STAB2: variants seen among roughly 807,000 people sequenced by gnomAD.
STAB2 encodes the protein stabilin-2.
Under a neutral mutation model 338.1 loss-of-function variants are expected in STAB2, and 288 were observed. That is an observed-to-expected ratio of 0.85 (90% CI 0.77 to 0.94). The LOEUF is 0.94. STAB2 is among the 40% of genes least tolerant of loss of function. STAB2 has a pLI of 0.00. For missense variants in STAB2, 3,141 were observed against 3,210.1 expected, an observed-to-expected ratio of 0.98 and a Z score of 0.52; for synonymous variants, 1,202 against 1,193.3, an observed-to-expected ratio of 1.01 and a Z score of -0.15.
chr12:103,762,994 A>G (rs1035123145), intron 67 of STAB2, among the ~76,000 whole-genome samples: 1 of 152,146 alleles, frequency 6.6e-6, no homozygotes, highest in African/African-American at 2.4e-5. Flanking sequence ...CTCTCCTCAA[A>G]ACACTCCTGG....
At chr12:103,763,316 T>C in intron 67 of STAB2, 176 bp from the exon 68 acceptor site, 1 of 632,802 alleles carries the variant, frequency 1.6e-6, no homozygotes, top group South Asian at 1.9e-5. Flanking sequence ...AAGATGTCAC[T>C]GAGCTGAATC....
In STAB2 at chr12:103,594,081, G is replaced by C. The variant is rs137861817; in HGVS notation, c.216-314G>C. 7.7e-3 allele frequency among the ~76,000 whole-genome samples: 1,165 copies of C among 152,236 alleles called. 21 individuals are homozygous for C. Among genetic ancestry groups the C allele is most frequent in the African/African-American group, 0.027 (1,125 of 41,542 alleles). On this transcript the variant is annotated intron_variant, in intron 2 of 68. Transcript: ENST00000388887. ...CCTGCATTGACTGCTAGGATACTCA[G>C]TGATAAGTTTTAGGTATACTTCTAG...
At chr12:103,716,336 C>G (rs1370902449) in intron 43 of STAB2, among the ~76,000 whole-genome samples, 1 of 152,100 alleles carries the variant, frequency 6.6e-6, no homozygotes, top group African/African-American at 2.4e-5. Context: ...GGAGAGCAGG[C>G]TGGGGGAGGT....
At chr12:103,655,835 T>A (rs1427732185) in intron 15 of STAB2, among the ~76,000 whole-genome samples, 1 of 152,186 alleles carries the variant, frequency 6.6e-6, no homozygotes, top group African/African-American at 2.4e-5. Context: ...GAAATGTATT[T>A]GCAATCCCAG....
chr12:103,740,551 C>CA, intron 54 of STAB2, 79 bp from the exon 55 acceptor site: 1 of 1,533,850 alleles, frequency 6.5e-7, no homozygotes, highest in South Asian at 1.3e-5. Context: ...CTAAGACCTC[C>CA]ATGAGGGCAC....
At chr12:103,620,667 A>ACACG in intron 4 of STAB2, 114 bp downstream of exon 4, 4 of 912,200 alleles carry the variant, frequency 4.4e-6, no homozygotes, top group Non-Finnish European at 6.6e-6. Flanking sequence ...GCACACACAC[A>ACACG]TATACAGCGA....
intron 19 of STAB2, among the ~76,000 whole-genome samples, chr12:103,666,863 A>C (rs1291675514): frequency 6.6e-6 from 1 of 152,246 alleles, no homozygotes; most frequent in Non-Finnish European, 1.5e-5. Flanking sequence ...ACATTTATTG[A>C]GGATTGAGCA....
intron 6 of STAB2, among the ~76,000 whole-genome samples, chr12:103,635,486 T>A (rs1337664520): frequency 6.6e-6 from 1 of 152,108 alleles, no homozygotes; most frequent in African/African-American, 2.4e-5. Context: ...AGAGCTCAGC[T>A]CCCTCCAGCA....
chr12:103,614,990 T>A (rs1214350513), intron 3 of STAB2, among the ~76,000 whole-genome samples: 3 of 152,212 alleles, frequency 2.0e-5, no homozygotes, highest in African/African-American at 7.2e-5. Context: ...GGGGATGAAA[T>A]TGGACTGAAA....
intron 57 of STAB2, 149 bp downstream of exon 57, chr12:103,745,426 C>T (rs1882952817): frequency 3.0e-6 from 2 of 673,718 alleles, no homozygotes; most frequent in Admixed American, 3.2e-5. Flanking sequence ...ATCTGTAGCC[C>T]CGGGCCTCAG....
chr12:103,764,674 G>A (rs1032574413), intron 68 of STAB2, among the ~76,000 whole-genome samples: 1 of 152,138 alleles, frequency 6.6e-6, no homozygotes, highest in Admixed American at 6.5e-5. Context: ...GTAAATCAAG[G>A]TAAATATCTT....
At chr12:103,631,197 T>C (rs1376498263) in intron 5 of STAB2, among the ~76,000 whole-genome samples, 1 of 152,204 alleles carries the variant, frequency 6.6e-6, no homozygotes, top group East Asian at 1.9e-4. Context: ...AGGACTTATT[T>C]ATATAGATAT....
chr12:103,596,027 G>A (rs1162309729), intron 3 of STAB2, among the ~76,000 whole-genome samples: 1 of 152,152 alleles, frequency 6.6e-6, no homozygotes, highest in Non-Finnish European at 1.5e-5. Flanking sequence ...TTTTACCTCA[G>A]CATGTTGGCA....
intron 3 of STAB2, among the ~76,000 whole-genome samples, chr12:103,606,988 A>G (rs1388711822): frequency 2.0e-5 from 3 of 152,140 alleles, no homozygotes; most frequent in Non-Finnish European, 4.4e-5. Flanking sequence ...TGTCTCAAAA[A>G]CAAAACAAAA....
At chr12:103,708,633 C>T in intron 39 of STAB2, 97 bp downstream of exon 39, 1 of 1,089,436 alleles carries the variant, frequency 9.2e-7, no homozygotes, top group East Asian at 2.5e-5. Flanking sequence ...CCTTTTTTTA[C>T]TTCTTCTGGC....
chr12:103,625,767 A>T (rs147809121), intron 5 of STAB2, among the ~76,000 whole-genome samples: 3,201 of 152,266 alleles, frequency 0.021, 100 homozygotes, highest in African/African-American at 0.07. Flanking sequence ...ATTGTTGGAC[A>T]TTTGGGTTGG....
At chr12:103,760,499 G>C (rs1884457986) in intron 65 of STAB2, among the ~76,000 whole-genome samples, 1 of 152,198 alleles carries the variant, frequency 6.6e-6, no homozygotes, top group South Asian at 2.1e-4. Flanking sequence ...GGCTTCAAGT[G>C]ACATGCCTGC....
chr12:103,703,331 TA>T (rs1246613974), intron 35 of STAB2, 55 bp downstream of exon 35: 2 of 1,585,198 alleles, frequency 1.3e-6, no homozygotes, highest in African/African-American at 2.7e-5. Flanking sequence ...GGCTTTTTTT[TA>T]TATAATTTTG....
In STAB2 at chr12:103,622,031, G is replaced by A. The variant is rs751471070; in HGVS notation, c.418-11G>A. The A allele has an allele frequency of 5.0e-6, 8 of 1,614,054 alleles. No individual in the cohort carries two copies. The highest frequency in any genetic ancestry group is 1.6e-4 in the Middle Eastern group (1 of 6,084). On this transcript the variant is annotated splice_polypyrimidine_tract_variant and intron_variant, in intron 4 of 68. Transcript: ENST00000388887. Reference sequence around the variant, plus strand: ...TTGGGTCTAATGTCAACCACCTGGGGTGTTTTGCAGGAAGGGTTTGGTGGA... The same window carrying A: ...TTGGGTCTAATGTCAACCACCTGGGATGTTTTGCAGGAAGGGTTTGGTGGA...
Sources: allele counts gnomAD v4.1 joint callset (sites outside exome capture counted in the v4.1 genomes callset), GRCh38; gene constraint gnomAD v4.1.1; transcripts MANE v1.5; gene names NCBI Gene and HGNC (gene_info 2026-07-23, HGNC 2026-07-21).